The following SH2D4B variants were observed in gnomAD, a reference collection of about 807,000 sequenced individuals.
The protein encoded by SH2D4B is SH2 domain-containing protein 4B.
A neutral mutation model predicts 61.5 loss-of-function variants in SH2D4B; 45 were observed. The observed-to-expected ratio is 0.73, with a 90% CI of 0.58 to 0.94. The LOEUF (loss-of-function observed/expected upper bound fraction) is 0.94, where lower values mean the gene tolerates loss of function less well. SH2D4B is among the 40% of genes least tolerant of loss of function. SH2D4B has a pLI of 0.00. For synonymous variants in SH2D4B, 224 were observed against 220.4 expected, an observed-to-expected ratio of 1.02 and a Z score of -0.14; for missense variants, 572 against 574.2, an observed-to-expected ratio of 1.00 and a Z score of 0.04.
chr10:80,549,747 C>A (rs992598188), intron 1 of SH2D4B, among the ~76,000 whole-genome samples: 9 of 152,162 alleles, frequency 5.9e-5, no homozygotes, highest in Non-Finnish European at 1.3e-4. Context: ...GCAAAGGCCA[C>A]CAGGGCCCAC....
chr10:80,627,912 C>G (rs1842781762), intron 6 of SH2D4B, among the ~76,000 whole-genome samples: 1 of 152,216 alleles, frequency 6.6e-6, no homozygotes, highest in Non-Finnish European at 1.5e-5. Flanking sequence ...CAGTTGCATT[C>G]TCCAATATTC....
At chr10:80,595,628 T>G (rs1169035290) in intron 4 of SH2D4B, among the ~76,000 whole-genome samples, 1 of 152,216 alleles carries the variant, frequency 6.6e-6, no homozygotes, top group Non-Finnish European at 1.5e-5. Flanking sequence ...GAGTGACTGC[T>G]GCACTCAGAG....
rs140632860 is a variant in SH2D4B at position 80,638,363 on chromosome 10, A to C, written c.1209+3858A>C. On this transcript the variant is annotated intron_variant, in intron 7 of 7. Coordinates refer to ENST00000646907, the MANE Select transcript of SH2D4B (RefSeq NM_001388272.1). ...TTGGAATAATTTCAGAAGGAATGGA[A>C]CCAGCTCCTCGTTGTACCTCTGGTA... is the stretch of plus-strand genomic sequence containing the variant. 1.0e-3 allele frequency among the ~76,000 whole-genome samples: 154 copies of C among 152,298 alleles called. 2 individuals carry two copies. In the East Asian group the frequency reaches 0.027, roughly 27 times the overall value.
chr10:80,545,654 C>A (rs1589329364), intron 1 of SH2D4B, among the ~76,000 whole-genome samples: 1 of 152,134 alleles, frequency 6.6e-6, no homozygotes, highest in Admixed American at 6.5e-5. Flanking sequence ...TGCATTGTTA[C>A]AGTTTCTATC....
At chr10:80,608,311 G>A (rs1222481410) in intron 5 of SH2D4B, among the ~76,000 whole-genome samples, 1 of 152,094 alleles carries the variant, frequency 6.6e-6, no homozygotes, top group Non-Finnish European at 1.5e-5. Context: ...AGGAGGAGGG[G>A]CACGGGAAGA....
rs1842701311 is a variant in SH2D4B, at chr10:80,620,053, T to C, written c.988+10502T>C. Reference sequence around the variant, plus strand: ...TCTGCTGAGAGACTTCAGTAGGCTTTGTGGCAGGAACAGGTTATACAAATC... The same window carrying C: ...TCTGCTGAGAGACTTCAGTAGGCTTCGTGGCAGGAACAGGTTATACAAATC... On this transcript the variant is annotated intron_variant, in intron 6 of 7. Transcript: ENST00000646907. Among the ~76,000 whole-genome samples, 5 of 152,344 alleles carry C rather than the reference T, an allele frequency of 3.3e-5. No homozygotes were observed. In the South Asian group the frequency reaches 1.0e-3, roughly 32 times the overall value.
chr10:80,587,975 C>A (rs1350330887), intron 3 of SH2D4B, among the ~76,000 whole-genome samples: 1 of 152,136 alleles, frequency 6.6e-6, no homozygotes, highest in Non-Finnish European at 1.5e-5. Flanking sequence ...CTGTTTCAAC[C>A]CATTTTCTCC....
Position 80,590,489 on chromosome 10 carries a change from C to A in SH2D4B, c.643+1712C>A, listed in dbSNP as rs1239819983. ...TCAGAAAATACAGAAAATGAAAAGG[C>A]ATGATTAATACACGTGGACAGTGGG... On this transcript the variant is annotated intron_variant, in intron 4 of 7. Coordinates refer to ENST00000646907, the MANE Select transcript of SH2D4B (RefSeq NM_001388272.1). Among the ~76,000 whole-genome samples, 3 of 152,096 alleles carry A rather than the reference C, an allele frequency of 2.0e-5. No individual in the cohort carries two copies. In the East Asian group the frequency reaches 5.8e-4, roughly 29 times the overall value.
intron 1 of SH2D4B, among the ~76,000 whole-genome samples, chr10:80,544,810 G>T (rs10444009): frequency 6.6e-6 from 1 of 152,156 alleles, no homozygotes; most frequent in Non-Finnish European, 1.5e-5. Context: ...CCCCTGCCTC[G>T]ATGGTTTTCA....
chr10:80,613,847 G>A (rs1175348492), intron 6 of SH2D4B, among the ~76,000 whole-genome samples: 5 of 152,216 alleles, frequency 3.3e-5, no homozygotes, highest in African/African-American at 1.2e-4. Context: ...GAAGAGCACT[G>A]AAGGTCACAG....
chr10:80,604,791 G>GTTTT (rs34202612), intron 5 of SH2D4B, among the ~76,000 whole-genome samples: 7 of 148,206 alleles, frequency 4.7e-5, no homozygotes, highest in Non-Finnish European at 5.9e-5. Flanking sequence ...ACTGTTCTTA[G>GTTTT]TTTTTTTTTT....
chr10:80,575,285 G>A (rs1021503515), intron 3 of SH2D4B, among the ~76,000 whole-genome samples: 1 of 151,800 alleles, frequency 6.6e-6, no homozygotes, highest in Non-Finnish European at 1.5e-5. Flanking sequence ...TGTTGCTATT[G>A]TTTTACTAAA....
chr10:80,580,693 T>A (rs188939044), intron 3 of SH2D4B, among the ~76,000 whole-genome samples: 25 of 152,272 alleles, frequency 1.6e-4, no homozygotes, highest in Non-Finnish European at 3.5e-4. Flanking sequence ...TTTTAAAAAA[T>A]TTTTCACTTT....
intron 7 of SH2D4B, among the ~76,000 whole-genome samples, chr10:80,641,580 G>A (rs1840311929): frequency 6.6e-6 from 1 of 152,270 alleles, no homozygotes; most frequent in Admixed American, 6.5e-5. Flanking sequence ...AGGACCAAGA[G>A]TTAAGCCTCA....
At chr10:80,543,974 G>A (rs906544453) in intron 1 of SH2D4B, among the ~76,000 whole-genome samples, 6 of 133,148 alleles carry the variant, frequency 4.5e-5, no homozygotes, top group African/African-American at 1.6e-4. Flanking sequence ...CAGACCACTC[G>A]GCTCTACCAA....
intron 6 of SH2D4B, among the ~76,000 whole-genome samples, chr10:80,627,342 T>A (rs1418152289): frequency 6.6e-6 from 1 of 152,172 alleles, no homozygotes; most frequent in Non-Finnish European, 1.5e-5. Flanking sequence ...ATTAATCCTT[T>A]CAGTGGTATG....
chr10:80,572,986 A>ATT lies in SH2D4B; in HGVS notation c.495+1437_495+1438dup, dbSNP rs61401607. On this transcript the variant is annotated intron_variant, in intron 3 of 7. Transcript: ENST00000646907. ...TATATATATATATATATATATATATATTTTTTTTTTTTTTTTTTTTTTTTT... is the reference window on the plus strand; with the variant it reads ...TATATATATATATATATATATATATATTTTTTTTTTTTTTTTTTTTTTTTTTT... Among the ~76,000 whole-genome samples the ATT allele has an allele frequency of 2.3e-3, 20 of 8,872 alleles. 2 individuals are homozygous for ATT. The highest frequency in any genetic ancestry group is 7.1e-3 in the Admixed American group (3 of 424). The allele number at this position is 8,872 out of a possible 152,430, so 5.8% of individuals were successfully genotyped here.
intron 6 of SH2D4B, among the ~76,000 whole-genome samples, chr10:80,617,208 C>T (rs760769779): frequency 2.0e-5 from 3 of 152,190 alleles, no homozygotes; most frequent in Non-Finnish European, 2.9e-5. Flanking sequence ...CCTTTCTAGG[C>T]CAGGTGGTCT....
intron 4 of SH2D4B, among the ~76,000 whole-genome samples, chr10:80,603,174 C>G (rs1040187863): frequency 6.6e-6 from 1 of 151,978 alleles, no homozygotes; most frequent in African/African-American, 2.4e-5. Context: ...GCTGAGTGGG[C>G]AGAGGATTTG....
Sources: gnomAD v4.1 joint callset for allele counts (sites outside exome capture counted in the v4.1 genomes callset) on GRCh38, gnomAD v4.1.1 for gene constraint, MANE v1.5 for transcripts, NCBI Gene and HGNC (gene_info 2026-07-23, HGNC 2026-07-21) for gene names.